STK32A: variants seen among roughly 807,000 people sequenced by gnomAD.
STK32A encodes serine/threonine-protein kinase 32A.
Under a neutral mutation model 53.2 loss-of-function variants are expected in STK32A, and 41 were observed. That is an observed-to-expected ratio of 0.77 (90% confidence interval 0.60 to 1.00). STK32A has a LOEUF of 1.00. Ranked by LOEUF, STK32A falls within the 50% of genes least tolerant of loss-of-function variation. The pLI, the probability that STK32A is intolerant of heterozygous loss-of-function variation, is 0.00. For missense variants in STK32A, 458 were observed against 485.8 expected, an observed-to-expected ratio of 0.94 and a Z score of 0.54; for synonymous variants, 166 against 162.8, an observed-to-expected ratio of 1.02 and a Z score of -0.15.
intron 3 of STK32A, among the ~76,000 whole-genome samples, chr5:147,278,383 G>A (rs1751871296): frequency 6.6e-6 from 1 of 152,152 alleles, no homozygotes; most frequent in South Asian, 2.1e-4. Context: ...AACATATACT[G>A]TTGTCAGAAT....
chr5:147,289,056 C>T (rs78326805), intron 4 of STK32A, among the ~76,000 whole-genome samples: 21,445 of 152,088 alleles, frequency 0.14, 2,041 homozygotes, highest in South Asian at 0.37. Context: ...ATCCAAAGGA[C>T]AAATCTAAAT....
At chr5:147,396,484 G>T in the STK32A span, among the ~76,000 whole-genome samples, 1 of 152,182 alleles carries the variant, frequency 6.6e-6, no homozygotes, top group Admixed American at 6.5e-5. Context: ...TTGGCCAGAG[G>T]GGAGGCAATG....
intron 4 of STK32A, among the ~76,000 whole-genome samples, chr5:147,301,241 A>G (rs1753116383): frequency 6.6e-6 from 1 of 152,166 alleles, no homozygotes; most frequent in South Asian, 2.1e-4. Context: ...TGTGGTTGGG[A>G]GATCTGATCA....
intron 4 of STK32A, among the ~76,000 whole-genome samples, chr5:147,314,365 T>C (rs1410516182): frequency 6.6e-6 from 1 of 151,688 alleles, no homozygotes; most frequent in Non-Finnish European, 1.5e-5. Context: ...GGGTGTGGTG[T>C]CAGGTACCTG....
chr5:147,298,808 T>C (rs1172349339), intron 4 of STK32A, among the ~76,000 whole-genome samples: 2 of 152,152 alleles, frequency 1.3e-5, no homozygotes, highest in Non-Finnish European at 2.9e-5. Context: ...AAATATAATC[T>C]CTAGAGAATA....
chr5:147,361,682 T>C, intron 8 of STK32A, 68 bp downstream of exon 8: 42 of 880,702 alleles, frequency 4.8e-5, no homozygotes, highest in Non-Finnish European at 7.1e-5. Context: ...AAAGAATGTA[T>C]TGTTTGCTAA....
At chr5:147,312,200 A>T (rs4705162) in intron 4 of STK32A, among the ~76,000 whole-genome samples, 34,558 of 152,176 alleles carry the variant, frequency 0.23, 4,123 homozygotes, top group African/African-American at 0.25. Flanking sequence ...CCCCAGGTTC[A>T]GGTGATTATC....
chr5:147,305,651 G>A (rs537737833), intron 4 of STK32A, among the ~76,000 whole-genome samples: 2 of 152,178 alleles, frequency 1.3e-5, no homozygotes, highest in African/African-American at 4.8e-5. Context: ...TATTTTCCAA[G>A]TAGAGGAGGA....
chr5:147,294,989 A>G (rs1250027275), intron 4 of STK32A, among the ~76,000 whole-genome samples: 1 of 152,168 alleles, frequency 6.6e-6, no homozygotes, highest in Non-Finnish European at 1.5e-5. Context: ...GGCCATATCT[A>G]GTCATTTAAA....
chr5:147,285,898 A>G (rs1180782037), intron 4 of STK32A, among the ~76,000 whole-genome samples: 1 of 152,174 alleles, frequency 6.6e-6, no homozygotes, highest in Non-Finnish European at 1.5e-5. Flanking sequence ...TACTTAAAGA[A>G]CTAAAAGTAG....
At chr5:147,352,508 G>A (rs558082456) in intron 7 of STK32A, among the ~76,000 whole-genome samples, 2 of 152,212 alleles carry the variant, frequency 1.3e-5, no homozygotes, top group African/African-American at 4.8e-5. Flanking sequence ...TTTACTTCCC[G>A]TCCAGCCTCA....
At chr5:147,342,691 A>T in intron 5 of STK32A, 2 of 326,064 alleles carry the variant, frequency 6.1e-6, no homozygotes, top group East Asian at 1.0e-4. Flanking sequence ...CCAATGGACC[A>T]ATATCTACAT....
intron 6 of STK32A, among the ~76,000 whole-genome samples, chr5:147,349,230 T>C (rs1256881360): frequency 1.3e-5 from 2 of 152,202 alleles, no homozygotes; most frequent in African/African-American, 2.4e-5. Flanking sequence ...TGAAATATCA[T>C]GACATAAACA....
At chr5:147,267,512 T>G (rs1754859314) in intron 2 of STK32A, among the ~76,000 whole-genome samples, 1 of 152,204 alleles carries the variant, frequency 6.6e-6, no homozygotes, top group Admixed American at 6.5e-5. Flanking sequence ...CATGCTGTTT[T>G]GGTAAAAAGT....
chr5:147,370,710 G>A lies in STK32A; in HGVS notation c.717G>A (p.Glu239=), dbSNP rs1381104402. ...GCAAGGAAATTGTACACACGTTTGA[G>A]ACGACTGTTGTAACTTACCCTTCTG... is the stretch of plus-strand genomic sequence containing the variant. ...TSSKEIVHTF[E]TTVVTYPSAW... The change falls in exon 9 of 13, where the codon GAG becomes GAA. Residue 239 remains glutamate, a synonymous_variant. Coordinates refer to ENST00000397936, the MANE Select transcript of STK32A (RefSeq NM_001112724.2). 6.2e-7 allele frequency: 1 copy of A among 1,612,606 alleles called. No individual in the cohort carries two copies. Among genetic ancestry groups the A allele is most frequent in the Admixed American group, 1.7e-5 (1 of 59,954 alleles).
chr5:147,350,127 T>C (rs887839732), intron 6 of STK32A, among the ~76,000 whole-genome samples: 2 of 150,046 alleles, frequency 1.3e-5, no homozygotes, highest in African/African-American at 4.9e-5. Context: ...AAAAATTAAA[T>C]TAAATTTAAA....
At chr5:147,316,666 A>C (rs1754002302) in intron 4 of STK32A, among the ~76,000 whole-genome samples, 1 of 152,046 alleles carries the variant, frequency 6.6e-6, no homozygotes. Context: ...GACCAGTCTG[A>C]GCAACATAGT....
intron 6 of STK32A, among the ~76,000 whole-genome samples, chr5:147,347,408 A>G (rs754298576): frequency 5.9e-5 from 9 of 152,002 alleles, no homozygotes; most frequent in Non-Finnish European, 1.2e-4. Flanking sequence ...TCACTAAAGT[A>G]GTGATTCTCA....
intron 7 of STK32A, among the ~76,000 whole-genome samples, chr5:147,360,844 T>C (rs569234067): frequency 6.6e-6 from 1 of 152,316 alleles, no homozygotes; most frequent in Non-Finnish European, 1.5e-5. Context: ...AGGTTCATAG[T>C]GTGTCAAAGT....
Sources: gnomAD v4.1 joint callset for allele counts (sites outside exome capture counted in the v4.1 genomes callset) on GRCh38, gnomAD v4.1.1 for gene constraint, MANE v1.5 for transcripts, NCBI Gene and HGNC (gene_info 2026-07-23, HGNC 2026-07-21) for gene names.